Variants in MTMR3 observed in about 807,000 individuals in gnomAD.
MTMR3 encodes the protein myotubularin related protein 3.
Under a neutral mutation model 132.4 loss-of-function variants are expected in MTMR3, and 32 were observed. That is an observed-to-expected ratio of 0.24 (90% CI 0.18 to 0.32). The LOEUF (loss-of-function observed/expected upper bound fraction) is 0.32, where lower values mean the gene tolerates loss of function less well. MTMR3 is among the 10% of genes least tolerant of loss of function. The pLI, the probability that MTMR3 is intolerant of heterozygous loss-of-function variation, is 1.00. For synonymous variants in MTMR3, 556 were observed against 550.3 expected, an observed-to-expected ratio of 1.01 and a Z score of -0.14; for missense variants, 1,216 against 1,489.6, an observed-to-expected ratio of 0.82 and a Z score of 3.02.
intron 2 of MTMR3, among the ~76,000 whole-genome samples, chr22:29,963,306 C>CA (rs2145855774): frequency 6.6e-6 from 1 of 151,850 alleles, no homozygotes; most frequent in South Asian, 2.1e-4. Flanking sequence ...TGGTCTCAAA[C>CA]ACCTGGGTAA....
chr22:30,026,280 TG>T lies in MTMR3; in HGVS notation c.*483del. ...GAGCTGGTTGGGAACCCTTTGCTGC[TG>T]GGGAGGCTGGAAGCATATTCCCCAA... is the stretch of plus-strand genomic sequence containing the variant. On this transcript the variant is annotated 3_prime_UTR_variant, in exon 20 of 20. Transcript: ENST00000401950. The T allele has an allele frequency of 6.2e-6, 1 of 161,252 alleles. No homozygotes were observed. Among genetic ancestry groups the T allele is most frequent in the East Asian group, 1.7e-4 (1 of 5,928 alleles). The allele number at this position is 161,252 out of a possible 1,614,324, so 10.0% of individuals were successfully genotyped here.
intron 1 of MTMR3, among the ~76,000 whole-genome samples, chr22:29,917,001 C>G (rs1021078732): frequency 1.3e-5 from 2 of 152,144 alleles, no homozygotes; most frequent in African/African-American, 2.4e-5. Context: ...TTATTCTGTT[C>G]TTGTTCTACA....
chr22:30,023,512 T>C, intron 19 of MTMR3: 1 of 1,613,292 alleles, frequency 6.2e-7, no homozygotes, highest in Non-Finnish European at 8.5e-7. Context: ...CTGCCTGTGA[T>C]GTCTGCACAT....
chr22:30,005,850 C>G (rs150008380), intron 9 of MTMR3: 3 of 152,200 alleles, frequency 2.0e-5, no homozygotes, highest in African/African-American at 7.2e-5. Flanking sequence ...GATGAAGCCC[C>G]TGCTAGTAAA....
chr22:29,889,284 CTTTTTTT>C (rs71324792), intron 1 of MTMR3, among the ~76,000 whole-genome samples: 1 of 116,408 alleles, frequency 8.6e-6, no homozygotes, highest in Non-Finnish European at 1.8e-5. Context: ...AGCTACGGAA[CTTTTTTT>C]TTTTTTTTTT....
chr22:29,998,016 G>T (rs1288361032), intron 7 of MTMR3: 1 of 152,180 alleles, frequency 6.6e-6, no homozygotes, highest in African/African-American at 2.4e-5. Context: ...TTATAGTTCT[G>T]TATTGCTACT....
rs756143777 is a variant in MTMR3 at position 29,978,468 on chromosome 22, G to A, written c.30G>A (p.Glu10=). 13 of 1,613,680 alleles carry A rather than the reference G, an allele frequency of 8.1e-6. No homozygotes were observed. The highest frequency in any genetic ancestry group is 3.3e-4 in the Middle Eastern group (2 of 6,060). The change falls in exon 4 of 20, where the codon GAG becomes GAA. Residue 10 remains glutamate, a synonymous_variant. Transcript: ENST00000401950. The part of the protein sequence containing the change: MDEETRHSL[E]CIQANQIFPR... ...ATGAAGAGACTCGGCACAGCCTTGA[G>A]TGCATCCAGGCCAATCAGATCTTTC...
Position 30,026,048 on chromosome 22 carries a change from A to ATTT in MTMR3, c.*259_*261dup, listed in dbSNP as rs139430397. On this transcript the variant is annotated 3_prime_UTR_variant, in exon 20 of 20. Coordinates refer to ENST00000401950, the MANE Select transcript of MTMR3 (RefSeq NM_021090.4). ...AGGAAACTTTCCCTTGGTTGTCTTA[A>ATTT]TTTTTTTTTTTTTTGATGGAAGACC... 37 of 335,864 alleles carry ATTT rather than the reference A, an allele frequency of 1.1e-4. No individual in the cohort carries two copies. The highest frequency in any genetic ancestry group is 4.5e-4 in the East Asian group (9 of 20,124). The allele number at this position is 335,864 out of a possible 1,614,324, so 20.8% of individuals were successfully genotyped here.
chr22:29,931,649 G>A (rs996035373), intron 1 of MTMR3, among the ~76,000 whole-genome samples: 10 of 152,100 alleles, frequency 6.6e-5, no homozygotes, highest in Admixed American at 3.9e-4. Context: ...TCCTGACCTC[G>A]TGATCCGCCT....
chr22:29,949,508 C>T (rs1020932033), intron 1 of MTMR3, among the ~76,000 whole-genome samples: 1 of 143,498 alleles, frequency 7.0e-6, no homozygotes, highest in Non-Finnish European at 1.5e-5. Flanking sequence ...GCGCCCCCCC[C>T]CAAAAAAAAA....
rs1252569680 is a variant in MTMR3 at position 30,025,751 on chromosome 22, T to A, written c.3547T>A (p.Ser1183Thr). ...SCYSSLHPTSSSIDLELDKPI... is the reference protein window; with the variant it reads ...SCYSSLHPTSTSIDLELDKPI... The stretch of plus-strand genomic sequence containing the variant: ...CTATAGCAGCCTACATCCCACAAGC[T>A]CCAGCATTGACCTTGAACTGGATAA... The change falls in exon 20 of 20, where the codon TCC (serine) becomes ACC (threonine). Residue 1183 changes from serine (S) to threonine (T), a missense_variant. Coordinates refer to ENST00000401950, the MANE Select transcript of MTMR3 (RefSeq NM_021090.4). 1.9e-6 allele frequency: 3 copies of A among 1,614,142 alleles called. No individual in the cohort carries two copies.
chr22:29,935,765 C>G (rs1274920582), intron 1 of MTMR3, among the ~76,000 whole-genome samples: 1 of 82,544 alleles, frequency 1.2e-5, no homozygotes, highest in African/African-American at 5.1e-5. Flanking sequence ...TTTTTTGAGA[C>G]GGAGTCATGC....
chr22:29,967,298 A>G (rs920945781), intron 2 of MTMR3, among the ~76,000 whole-genome samples: 1 of 151,546 alleles, frequency 6.6e-6, no homozygotes, highest in Non-Finnish European at 1.5e-5. Flanking sequence ...GCTGGAGTGC[A>G]GTAGCATAAG....
intron 14 of MTMR3, chr22:30,014,357 C>T (rs767619124): frequency 2.6e-5 from 4 of 152,184 alleles, no homozygotes; most frequent in Admixed American, 1.3e-4. Context: ...ACAGTTTAAC[C>T]ACTCCTTCCT....
At chr22:29,945,560 C>T (rs1175955829) in intron 1 of MTMR3, among the ~76,000 whole-genome samples, 2 of 151,670 alleles carry the variant, frequency 1.3e-5, no homozygotes, top group African/African-American at 4.8e-5. Flanking sequence ...AAAAATGTAG[C>T]CAGGCATGGT....
chr22:30,028,018 T>C lies in MTMR3; in HGVS notation c.*2217T>C, dbSNP rs1388003137. ...CGACTCTAGACCTTGGCAAGGAGCC[T>C]CACCATGATGTTCAAGCACTGAACG... On this transcript the variant is annotated 3_prime_UTR_variant, in exon 20 of 20. Coordinates refer to ENST00000401950, the MANE Select transcript of MTMR3 (RefSeq NM_021090.4). The C allele has an allele frequency of 6.6e-6, 1 of 152,320 alleles. No individual in the cohort carries two copies. Among genetic ancestry groups the C allele is most frequent in the African/African-American group, 2.4e-5 (1 of 41,442 alleles). The allele number at this position is 152,320 out of a possible 1,614,324, so 9.4% of individuals were successfully genotyped here.
intron 1 of MTMR3, among the ~76,000 whole-genome samples, chr22:29,896,466 A>T (rs894051391): frequency 3.3e-5 from 5 of 152,114 alleles, no homozygotes; most frequent in African/African-American, 9.7e-5. Context: ...GTCATTGCCA[A>T]CTTCTGGCCG....
chr22:29,907,776 G>A (rs2065131723), intron 1 of MTMR3, among the ~76,000 whole-genome samples: 1 of 151,966 alleles, frequency 6.6e-6, no homozygotes, highest in African/African-American at 2.4e-5. Flanking sequence ...TTGCTTGGAT[G>A]TGTATCTGTA....
At position 30,020,761 on chromosome 22, in the gene MTMR3, T is replaced by G; in HGVS notation, c.3102T>G (p.Ile1034Met). The change falls in exon 17 of 20, where the codon ATT becomes ATG. Residue 1034 changes from isoleucine to methionine, a missense_variant. Physicochemically the swap from Ile to Met is conservative, Grantham distance 10. This residue lies in a region of MTMR3 where 852 missense variants were observed against 852.0 expected (regional missense o/e 1.00). Coordinates refer to ENST00000401950, the MANE Select transcript of MTMR3 (RefSeq NM_021090.4). ...TDTIQQRLRQ[I>M]ESGHQQEVET... ...CGATCCAACAGCGCCTGCGTCAGAT[T>G]GAGTCAGGCCACCAGCAGGAAGTAG... 6.2e-7 allele frequency: 1 copy of G among 1,614,158 alleles called. No homozygotes were observed. Among genetic ancestry groups the G allele is most frequent in the Non-Finnish European group, 8.5e-7 (1 of 1,180,010 alleles).
Sources: allele counts gnomAD v4.1 joint callset (sites outside exome capture counted in the v4.1 genomes callset), GRCh38; gene constraint gnomAD v4.1.1; regional missense constraint gnomAD v4.1.1; transcripts MANE v1.5; gene names NCBI Gene and HGNC (gene_info 2026-07-23, HGNC 2026-07-21).